CTNNA2: variants seen among roughly 807,000 people sequenced by gnomAD.
The protein encoded by CTNNA2 is catenin alpha-2.
Under a neutral mutation model 101.0 loss-of-function variants are expected in CTNNA2, and 42 were observed. The ratio of observed to expected loss-of-function variants is 0.42; its 90% CI spans 0.32 to 0.54. The LOEUF (loss-of-function observed/expected upper bound fraction) is 0.54, where lower values mean the gene tolerates loss of function less well. Ranked by LOEUF, CTNNA2 falls within the 20% of genes least tolerant of loss-of-function variation. CTNNA2 has a pLI of 0.14. For missense variants in CTNNA2, 871 were observed against 1,223.1 expected (o/e 0.71, Z 4.29); for synonymous variants, 450 against 456.4 (o/e 0.99, Z 0.18).
chr2:79,648,991 T>G (rs1209235139), intron 1 of CTNNA2, among the ~76,000 whole-genome samples: 3 of 152,294 alleles, frequency 2.0e-5, no homozygotes, highest in Middle Eastern at 3.4e-3. Flanking sequence ...TAAATTAATT[T>G]GAGTGATTTG....
intron 6 of CTNNA2, among the ~76,000 whole-genome samples, chr2:79,893,994 T>C (rs190174611): frequency 5.1e-4 from 24 of 47,178 alleles, no homozygotes; most frequent in African/African-American, 1.2e-3. Flanking sequence ...GGCTGTTTTC[T>C]TCTTCTTCTT....
At chr2:80,618,376 A>G (rs1238695133) in intron 17 of CTNNA2, among the ~76,000 whole-genome samples, 1 of 151,636 alleles carries the variant, frequency 6.6e-6, no homozygotes, top group African/African-American at 2.4e-5. Context: ...TATTTGATAC[A>G]CGCAGAAAAA....
intron 9 of CTNNA2, among the ~76,000 whole-genome samples, chr2:80,458,661 C>A (rs1331076651): frequency 6.6e-6 from 1 of 152,078 alleles, no homozygotes; most frequent in Non-Finnish European, 1.5e-5. Flanking sequence ...AATCACTGAC[C>A]CTTCTCCTGT....
chr2:80,274,517 T>C (rs1673743673), intron 7 of CTNNA2, among the ~76,000 whole-genome samples: 1 of 152,176 alleles, frequency 6.6e-6, no homozygotes, highest in South Asian at 2.1e-4. Flanking sequence ...TCTCTTCTGC[T>C]CTATGCTGTA....
rs185216105 is a variant in CTNNA2, at chr2:79,994,870, C to T, written c.1056+85073C>T. Among the ~76,000 whole-genome samples, 7 of 152,232 alleles carry T rather than the reference C, an allele frequency of 4.6e-5. No homozygotes were observed. The East Asian group carries it at 1.4e-3, about 29-fold the overall frequency. On this transcript the variant is annotated intron_variant, in intron 7 of 18. Coordinates refer to ENST00000402739, the MANE Select transcript of CTNNA2 (RefSeq NM_001282597.3). The stretch of plus-strand genomic sequence containing the variant: ...GACTTCCGCCCTGATGTTCCTACCC[C>T]CACCATGGCCTCAGAGAACCAAGGC...
intron 7 of CTNNA2, among the ~76,000 whole-genome samples, chr2:80,365,034 A>G (rs953608988): frequency 1.3e-5 from 2 of 152,090 alleles, no homozygotes; most frequent in African/African-American, 4.8e-5. Context: ...TTTGGCCTTC[A>G]TGTAACATCA....
At chr2:80,116,499 C>G (rs932028819) in intron 7 of CTNNA2, among the ~76,000 whole-genome samples, 2 of 152,010 alleles carry the variant, frequency 1.3e-5, no homozygotes, top group Admixed American at 6.6e-5. Context: ...TGTGCATATG[C>G]ATATGCGTGG....
At chr2:79,975,568 G>A (rs1453896077) in intron 7 of CTNNA2, among the ~76,000 whole-genome samples, 1 of 152,076 alleles carries the variant, frequency 6.6e-6, no homozygotes, top group East Asian at 1.9e-4. Context: ...GCAAGCACAG[G>A]TTGTGGCCTG....
At chr2:79,941,338 C>G (rs1688146042) in intron 7 of CTNNA2, among the ~76,000 whole-genome samples, 1 of 152,232 alleles carries the variant, frequency 6.6e-6, no homozygotes, top group Admixed American at 6.5e-5. Context: ...AATCTGGACT[C>G]TGGCCACTCC....
intron 9 of CTNNA2, among the ~76,000 whole-genome samples, chr2:80,430,573 C>A (rs1169814682): frequency 6.6e-6 from 1 of 152,110 alleles, no homozygotes; most frequent in Non-Finnish European, 1.5e-5. Context: ...TCCTTACCTG[C>A]CTACCCTCAC....
intron 7 of CTNNA2, among the ~76,000 whole-genome samples, chr2:80,002,121 G>A (rs894028357): frequency 6.6e-6 from 1 of 152,172 alleles, no homozygotes; most frequent in African/African-American, 2.4e-5. Flanking sequence ...ACTTTGTGAT[G>A]TTATTCTTTA....
intron 1 of CTNNA2, among the ~76,000 whole-genome samples, chr2:79,607,136 T>C (rs1677946526): frequency 6.6e-6 from 1 of 152,144 alleles, no homozygotes; most frequent in Non-Finnish European, 1.5e-5. Context: ...ACTACACGAA[T>C]ATTAGAAAAA....
At chr2:80,218,659 G>T (rs1043033109) in intron 7 of CTNNA2, among the ~76,000 whole-genome samples, 1 of 152,142 alleles carries the variant, frequency 6.6e-6, no homozygotes, top group African/African-American at 2.4e-5. Flanking sequence ...TTACTCACAG[G>T]GTTGTTGTGA....
chr2:79,585,235 T>C (rs1044101120), intron 1 of CTNNA2, among the ~76,000 whole-genome samples: 1 of 151,998 alleles, frequency 6.6e-6, no homozygotes, highest in Admixed American at 6.5e-5. Context: ...TTTTATCTCT[T>C]AATGTTTGCA....
In CTNNA2 at chr2:79,914,255, A is replaced by G. The variant is rs181352343; in HGVS notation, c.1056+4458A>G. Among the ~76,000 whole-genome samples, 21 of 152,180 alleles carry G rather than the reference A, an allele frequency of 1.4e-4. No individual in the cohort carries two copies. In the East Asian group the frequency reaches 3.5e-3, roughly 25 times the overall value. On this transcript the variant is annotated intron_variant, in intron 7 of 18. Transcript: ENST00000402739. Reference sequence around the variant, plus strand: ...CAGATTGCATTTGAAAGGGGAGTTAAGTAGAAAAATTTTGTTTCAACGTTG... The same window carrying G: ...CAGATTGCATTTGAAAGGGGAGTTAGGTAGAAAAATTTTGTTTCAACGTTG...
chr2:80,198,782 C>T (rs1198471230), intron 7 of CTNNA2, among the ~76,000 whole-genome samples: 2 of 152,126 alleles, frequency 1.3e-5, no homozygotes, highest in Non-Finnish European at 2.9e-5. Context: ...GCTTATTGCC[C>T]GTGATGTCAT....
At chr2:79,873,801 TTG>T (rs1243563864) in intron 5 of CTNNA2, among the ~76,000 whole-genome samples, 1 of 151,590 alleles carries the variant, frequency 6.6e-6, no homozygotes, top group Non-Finnish European at 1.5e-5. Flanking sequence ...ACTTAAGAGG[TTG>T]AAGAGGGAGG....
In CTNNA2 at chr2:79,651,912, G is replaced by T. The variant is rs368286309; in HGVS notation, c.102+254G>T. Among the ~76,000 whole-genome samples, 8 of 152,254 alleles carry T rather than the reference G, an allele frequency of 5.3e-5. 1 individual carries two copies. Among genetic ancestry groups the T allele is most frequent in the African/African-American group, 1.9e-4 (8 of 41,550 alleles). On this transcript the variant is annotated intron_variant, in intron 2 of 18. Coordinates refer to ENST00000402739, the MANE Select transcript of CTNNA2 (RefSeq NM_001282597.3). Reference sequence around the variant, plus strand: ...TGAAGAGGGGTCCTTGGTGAAGGGGGCCCTCATTTACGGTAATGGGTTCAA... The same window carrying T: ...TGAAGAGGGGTCCTTGGTGAAGGGGTCCCTCATTTACGGTAATGGGTTCAA...
At chr2:80,273,552 C>G (rs1315643410) in intron 7 of CTNNA2, among the ~76,000 whole-genome samples, 1 of 152,116 alleles carries the variant, frequency 6.6e-6, no homozygotes, top group African/African-American at 2.4e-5. Flanking sequence ...ATGTCAAGCC[C>G]TAACAATGAC....
Sources: allele counts gnomAD v4.1 joint callset (sites outside exome capture counted in the v4.1 genomes callset), GRCh38; gene constraint gnomAD v4.1.1; transcripts MANE v1.5; gene names NCBI Gene and HGNC (gene_info 2026-07-23, HGNC 2026-07-21).